The following KCNH1 variants were observed in gnomAD, a reference collection of about 807,000 sequenced individuals.
The protein encoded by KCNH1 is voltage-gated delayed rectifier potassium channel KCNH1.
A neutral mutation model predicts 69.2 loss-of-function variants in KCNH1; 27 were observed. The observed-to-expected ratio is 0.39, with a 90% CI of 0.29 to 0.54. The LOEUF is 0.54. Ranked by LOEUF, KCNH1 falls within the 20% of genes least tolerant of loss-of-function variation. The pLI is 0.68. For missense variants in KCNH1, 798 were observed against 1,261.6 expected (o/e 0.63, Z 5.57); for synonymous variants, 456 against 487.7 (o/e 0.93, Z 0.86).
At chr1:210,956,037 G>A (rs1688168619) in intron 6 of KCNH1, among the ~76,000 whole-genome samples, 1 of 152,124 alleles carries the variant, frequency 6.6e-6, no homozygotes, top group African/African-American at 2.4e-5. Flanking sequence ...TTGGCTGTGG[G>A]TTTGTCATAG....
At chr1:210,823,316 T>C (rs7546472) in intron 7 of KCNH1, among the ~76,000 whole-genome samples, 31,831 of 152,142 alleles carry the variant, frequency 0.21, 3,358 homozygotes, top group Non-Finnish European at 0.22. Context: ...TGATTCCCAG[T>C]TGTGCAGAAA....
At chr1:210,867,483 G>T (rs549837622) in intron 7 of KCNH1, among the ~76,000 whole-genome samples, 1 of 151,392 alleles carries the variant, frequency 6.6e-6, no homozygotes, top group Non-Finnish European at 1.5e-5. Context: ...GTGACCAAAG[G>T]TACTGTGAAA....
chr1:210,804,694 A>G (rs979723266), intron 7 of KCNH1, among the ~76,000 whole-genome samples: 6 of 152,204 alleles, frequency 3.9e-5, no homozygotes, highest in Admixed American at 3.3e-4. Context: ...GTCCTCACAG[A>G]GCAAAAAACG....
At chr1:210,849,059 G>C (rs1294577632) in intron 7 of KCNH1, among the ~76,000 whole-genome samples, 1 of 152,154 alleles carries the variant, frequency 6.6e-6, no homozygotes, top group East Asian at 1.9e-4. Flanking sequence ...CTAGATAGAA[G>C]GATATCAACT....
At chr1:211,021,599 C>CACAA (rs1491015080) in intron 5 of KCNH1, among the ~76,000 whole-genome samples, 1 of 149,468 alleles carries the variant, frequency 6.7e-6, no homozygotes, top group East Asian at 1.9e-4. Context: ...CACACACACA[C>CACAA]AACCTGTTAG....
At chr1:210,830,107 C>T (rs1194867193) in intron 7 of KCNH1, among the ~76,000 whole-genome samples, 3 of 152,190 alleles carry the variant, frequency 2.0e-5, no homozygotes, top group Non-Finnish European at 4.4e-5. Flanking sequence ...GATTCCCCTA[C>T]TAGTTCCTCT....
At chr1:210,975,250 C>T (rs916492157) in intron 6 of KCNH1, among the ~76,000 whole-genome samples, 4 of 152,104 alleles carry the variant, frequency 2.6e-5, no homozygotes, top group African/African-American at 4.8e-5. Context: ...AGCTGTCTAT[C>T]AATTTTGTTG....
chr1:211,059,482 C>T (rs893479690), intron 5 of KCNH1, among the ~76,000 whole-genome samples: 1 of 151,824 alleles, frequency 6.6e-6, no homozygotes, highest in Non-Finnish European at 1.5e-5. Context: ...GTGGCTTATG[C>T]CTGTAATCCC....
At chr1:210,870,317 C>T (rs906496483) in intron 7 of KCNH1, among the ~76,000 whole-genome samples, 1 of 152,174 alleles carries the variant, frequency 6.6e-6, no homozygotes, top group Non-Finnish European at 1.5e-5. Flanking sequence ...CTCACCCCCA[C>T]ACCTCCACCA....
chr1:210,845,556 C>G (rs938199275), intron 7 of KCNH1, among the ~76,000 whole-genome samples: 2 of 152,114 alleles, frequency 1.3e-5, no homozygotes, highest in Non-Finnish European at 2.9e-5. Context: ...TCTCAATAAA[C>G]TAGGTATTGA....
At chr1:210,726,996 C>G (rs530686273) in intron 10 of KCNH1, among the ~76,000 whole-genome samples, 3 of 152,272 alleles carry the variant, frequency 2.0e-5, no homozygotes, top group African/African-American at 4.8e-5. Flanking sequence ...TGTCACCACT[C>G]TCAGTCTGGC....
chr1:210,969,773 CCTA>C (rs1688478083), intron 6 of KCNH1, among the ~76,000 whole-genome samples: 1 of 152,054 alleles, frequency 6.6e-6, no homozygotes, highest in Admixed American at 6.6e-5. Flanking sequence ...TTAGCTTCCT[CCTA>C]CTTTTAAATA....
intron 9 of KCNH1, among the ~76,000 whole-genome samples, chr1:210,791,210 T>A (rs562881881): frequency 7.9e-5 from 12 of 152,336 alleles, no homozygotes; most frequent in African/African-American, 2.4e-4. Flanking sequence ...TCCCACTCAG[T>A]GCATCCCTGC....
intron 7 of KCNH1, chr1:210,861,160 G>A (rs79458592): frequency 0.024 from 22,118 of 924,546 alleles, 880 homozygotes; most frequent in East Asian, 0.12. Context: ...GTATATACTC[G>A]TAAGGGTCTT....
chr1:210,994,652 T>C (rs1031759786), intron 6 of KCNH1, among the ~76,000 whole-genome samples: 2 of 152,290 alleles, frequency 1.3e-5, no homozygotes, highest in East Asian at 3.9e-4. Flanking sequence ...AACATAATTG[T>C]AATCGTTTAG....
At chr1:211,086,695 G>C (rs1690958728) in intron 4 of KCNH1, among the ~76,000 whole-genome samples, 1 of 152,104 alleles carries the variant, frequency 6.6e-6, no homozygotes, top group Non-Finnish European at 1.5e-5. Context: ...ACTTAGCTGA[G>C]CCACCAATGA....
chr1:210,723,489 A>T (rs912964707), intron 10 of KCNH1, among the ~76,000 whole-genome samples: 6 of 152,190 alleles, frequency 3.9e-5, no homozygotes, highest in Non-Finnish European at 7.3e-5. Flanking sequence ...TCCCCAAAGA[A>T]AAACCAAGAA....
Position 210,683,575 on chromosome 1 carries a change from G to A in KCNH1, c.2676C>T (p.Asp892=), listed in dbSNP as rs755807166. Residue 892 remains aspartate (D), a synonymous_variant, in exon 11 of 11, where the codon GAC becomes GAT. Coordinates refer to ENST00000271751, the MANE Select transcript of KCNH1 (RefSeq NM_172362.3). This position sits in a 1 kb window ranked among gnomAD's most constrained non-coding sequence, Gnocchi z 5.7. The part of the protein sequence containing the change: ...SGITKSDLRL[D]NVGEARSPQD... Reference sequence around the variant, plus strand: ...GGGGACTCCTGGCCTCACCCACGTTGTCCAGGCGCAAGTCGCTCTTGGTGA... The same window carrying A: ...GGGGACTCCTGGCCTCACCCACGTTATCCAGGCGCAAGTCGCTCTTGGTGA... 6.2e-7 allele frequency: 1 copy of A among 1,614,016 alleles called. No individual in the cohort carries two copies. Among genetic ancestry groups the A allele is most frequent in the Non-Finnish European group, 8.5e-7 (1 of 1,180,032 alleles).
intron 5 of KCNH1, among the ~76,000 whole-genome samples, chr1:211,040,555 TG>T (rs1223400477): frequency 6.6e-6 from 1 of 152,186 alleles, no homozygotes; most frequent in African/African-American, 2.4e-5. Flanking sequence ...CATGTGGAAC[TG>T]TAAGTCTGAT....
Sources: allele counts gnomAD v4.1 joint callset (sites outside exome capture counted in the v4.1 genomes callset), GRCh38; gene constraint gnomAD v4.1.1; non-coding constraint Gnocchi (gnomAD v3.1); transcripts MANE v1.5; gene names NCBI Gene and HGNC (gene_info 2026-07-23, HGNC 2026-07-21).